Variants in AFF3 observed in about 807,000 individuals in gnomAD.
AFF3 encodes the protein ALF transcription elongation factor 3.
In AFF3, 32 loss-of-function variants were observed where a neutral mutation model predicts 129.7. The ratio of observed to expected loss-of-function variants is 0.25; its 90% CI spans 0.19 to 0.33. The LOEUF is 0.33. Ranked by LOEUF, AFF3 falls within the 10% of genes least tolerant of loss-of-function variation. The probability of loss-of-function intolerance (pLI) is 1.00; values close to 1 mark genes in which losing one functional copy is unlikely to be tolerated. For missense variants in AFF3, 1,373 were observed against 1,592.0 expected, an observed-to-expected ratio of 0.86 and a Z score of 2.34; for synonymous variants, 644 against 635.4, an observed-to-expected ratio of 1.01 and a Z score of -0.20.
At chr2:100,082,911 T>C (rs1466997208) in intron 4 of AFF3, among the ~76,000 whole-genome samples, 2 of 151,984 alleles carry the variant, frequency 1.3e-5, no homozygotes, top group African/African-American at 4.8e-5. Context: ...AAAAACCCCA[T>C]CTCTACTAAA....
At chr2:100,002,342 G>A (rs1389082476) in intron 7 of AFF3, among the ~76,000 whole-genome samples, 1 of 152,116 alleles carries the variant, frequency 6.6e-6, no homozygotes. Flanking sequence ...TATCTTCTGT[G>A]AACTTTAGAA....
At chr2:99,695,613 C>A (rs541186823) in intron 11 of AFF3, among the ~76,000 whole-genome samples, 5 of 152,288 alleles carry the variant, frequency 3.3e-5, no homozygotes, top group African/African-American at 1.2e-4. Flanking sequence ...ACAGGACAGA[C>A]AGGGAGGGGC....
At chr2:100,059,934 G>C (rs888175402) in intron 4 of AFF3, among the ~76,000 whole-genome samples, 1 of 152,130 alleles carries the variant, frequency 6.6e-6, no homozygotes, top group Admixed American at 6.5e-5. Flanking sequence ...GTCATGATGC[G>C]TGTCTTTAAG....
chr2:100,123,075 G>A (rs1018171311), intron 2 of AFF3, among the ~76,000 whole-genome samples: 2 of 152,204 alleles, frequency 1.3e-5, no homozygotes, highest in Non-Finnish European at 2.9e-5. Context: ...AAAAAGTGAA[G>A]TAGCCATGAC....
intron 18 of AFF3, among the ~76,000 whole-genome samples, chr2:99,573,412 T>C (rs928107546): frequency 6.6e-6 from 1 of 152,108 alleles, no homozygotes; most frequent in Admixed American, 6.6e-5. Flanking sequence ...AACAAAAAGG[T>C]AGGGTCCCTG....
intron 7 of AFF3, among the ~76,000 whole-genome samples, chr2:99,864,400 T>C (rs777464698): frequency 6.6e-6 from 1 of 152,198 alleles, no homozygotes; most frequent in Non-Finnish European, 1.5e-5. Flanking sequence ...ATGTCTCCAA[T>C]GTGCCTGCAG....
chr2:99,692,334 A>G (rs1301724632), intron 11 of AFF3, among the ~76,000 whole-genome samples: 1 of 151,946 alleles, frequency 6.6e-6, no homozygotes, highest in African/African-American at 2.4e-5. Context: ...GAGACAGGAG[A>G]GTGGATTCTG....
intron 8 of AFF3, among the ~76,000 whole-genome samples, chr2:99,764,356 C>T (rs1682841694): frequency 6.6e-6 from 1 of 152,162 alleles, no homozygotes; most frequent in Non-Finnish European, 1.5e-5. Context: ...ATACAGTCTT[C>T]ACCTTAAAAG....
chr2:99,606,775 A>G (rs1680387012), intron 13 of AFF3, among the ~76,000 whole-genome samples: 1 of 151,938 alleles, frequency 6.6e-6, no homozygotes, highest in Non-Finnish European at 1.5e-5. Context: ...TTAGCCAGAC[A>G]TGGTGGCAGG....
chr2:99,801,612 A>G (rs1685951278), intron 8 of AFF3, among the ~76,000 whole-genome samples: 1 of 152,166 alleles, frequency 6.6e-6, no homozygotes, highest in Admixed American at 6.5e-5. Context: ...TGTACTTCCC[A>G]TTTCCTTCGG....
chr2:100,075,532 G>C (rs1481462009), intron 4 of AFF3, among the ~76,000 whole-genome samples: 4 of 152,036 alleles, frequency 2.6e-5, no homozygotes, highest in Admixed American at 6.6e-5. Context: ...CACCAGACAA[G>C]AGCTTGGAGA....
intron 11 of AFF3, among the ~76,000 whole-genome samples, chr2:99,696,904 C>T (rs986126086): frequency 6.6e-6 from 1 of 152,124 alleles, no homozygotes; most frequent in African/African-American, 2.4e-5. Context: ...CCTTGGCGTC[C>T]CAAAGCACTG....
At chr2:99,845,027 T>A (rs1689625636) in intron 7 of AFF3, among the ~76,000 whole-genome samples, 1 of 152,158 alleles carries the variant, frequency 6.6e-6, no homozygotes, top group Admixed American at 6.5e-5. Flanking sequence ...GTTATCTACA[T>A]TACAAAGAAA....
chr2:100,013,234 C>T (rs1682702900), intron 4 of AFF3, among the ~76,000 whole-genome samples: 1 of 152,168 alleles, frequency 6.6e-6, no homozygotes, highest in African/African-American at 2.4e-5. Context: ...GACGTCTAAA[C>T]ATGAAACTGT....
At chr2:99,757,790 T>G (rs780351731) in intron 8 of AFF3, among the ~76,000 whole-genome samples, 7 of 152,196 alleles carry the variant, frequency 4.6e-5, no homozygotes, top group Non-Finnish European at 8.8e-5. Flanking sequence ...TGCTGGGTTG[T>G]TTACTCATCA....
At chr2:100,077,734 G>A (rs1435929072) in intron 4 of AFF3, among the ~76,000 whole-genome samples, 2 of 152,060 alleles carry the variant, frequency 1.3e-5, no homozygotes, top group Non-Finnish European at 1.5e-5. Context: ...CCACTACCAA[G>A]TATCTGTTCC....
chr2:99,908,523 A>C (rs1694881625), intron 7 of AFF3, among the ~76,000 whole-genome samples: 1 of 152,206 alleles, frequency 6.6e-6, no homozygotes, highest in South Asian at 2.1e-4. Flanking sequence ...AGAAACCACC[A>C]TCAGAGTGAA....
intron 8 of AFF3, among the ~76,000 whole-genome samples, chr2:99,764,498 A>G (rs1287457101): frequency 6.6e-6 from 1 of 152,186 alleles, no homozygotes; most frequent in Admixed American, 6.5e-5. Context: ...TGTCAAGTAC[A>G]TTCCTGTTCT....
chr2:99,632,509 G>C (rs991006781), intron 13 of AFF3, among the ~76,000 whole-genome samples: 28 of 152,246 alleles, frequency 1.8e-4, no homozygotes, highest in Non-Finnish European at 2.9e-4. Context: ...GTCCGTCCAG[G>C]GCATCACACG....
Sources: allele counts gnomAD v4.1 joint callset (sites outside exome capture counted in the v4.1 genomes callset), GRCh38; gene constraint gnomAD v4.1.1; transcripts MANE v1.5; gene names NCBI Gene and HGNC (gene_info 2026-07-23, HGNC 2026-07-21).